LINGO2: variants seen among roughly 807,000 people sequenced by gnomAD.
The protein encoded by LINGO2 is leucine-rich repeat and immunoglobulin-like domain-containing nogo receptor-interacting protein 2.
A neutral mutation model predicts 30.6 loss-of-function variants in LINGO2; 14 were observed. The observed-to-expected ratio is 0.46, with a 90% CI of 0.30 to 0.72. LINGO2 has a LOEUF of 0.72. LINGO2 is among the 30% of genes least tolerant of loss of function. The pLI is 0.07. For synonymous variants in LINGO2, 317 were observed against 288.5 expected, an observed-to-expected ratio of 1.10 and a Z score of -1.00; for missense variants, 729 against 751.7, an observed-to-expected ratio of 0.97 and a Z score of 0.35.
intron 4 of LINGO2, among the ~76,000 whole-genome samples, chr9:28,054,786 ACTTAATTTTTAATTTTCAATATTTC>A (rs1488074923): frequency 6.6e-6 from 1 of 151,114 alleles, no homozygotes; most frequent in Non-Finnish European, 1.5e-5. Flanking sequence ...CCAGGCTATA[ACTTAATTTTTAATTTTCAATATTTC>A]CTTAAGTTTA....
At chr9:27,987,139 T>C (rs1587620950) in intron 5 of LINGO2, among the ~76,000 whole-genome samples, 2 of 152,014 alleles carry the variant, frequency 1.3e-5, no homozygotes, top group East Asian at 3.9e-4. Flanking sequence ...GGGGTACTTA[T>C]GAGGATGAAA....
At chr9:29,191,792 G>A in the LINGO2 span, among the ~76,000 whole-genome samples, 3 of 151,884 alleles carry the variant, frequency 2.0e-5, no homozygotes, top group African/African-American at 7.3e-5. Context: ...TAGGTCCCAG[G>A]GATATAAAGA....
intron 1 of LINGO2, among the ~76,000 whole-genome samples, chr9:28,560,189 T>C (rs879533869): frequency 1.2e-4 from 18 of 152,106 alleles, no homozygotes; most frequent in Non-Finnish European, 2.4e-4. Flanking sequence ...TGTATCTGTA[T>C]AGCTGGCCCA....
At chr9:28,987,098 T>C in the LINGO2 span, among the ~76,000 whole-genome samples, 2 of 134,938 alleles carry the variant, frequency 1.5e-5, no homozygotes, top group Non-Finnish European at 3.2e-5. Context: ...TTTGGTGGAG[T>C]CTTTAGGGTT....
At chr9:28,643,383 T>G (rs1324653500) in intron 1 of LINGO2, among the ~76,000 whole-genome samples, 1 of 151,668 alleles carries the variant, frequency 6.6e-6, no homozygotes, top group African/African-American at 2.4e-5. Context: ...CAGAAACAAA[T>G]TTACACGCTC....
chr9:28,578,164 TGAA>T (rs1563838335), intron 1 of LINGO2, among the ~76,000 whole-genome samples: 1 of 152,134 alleles, frequency 6.6e-6, no homozygotes, highest in Non-Finnish European at 1.5e-5. Context: ...TTATACATGA[TGAA>T]GAAGGGTCTT....
At chr9:28,731,482 G>A in the LINGO2 span, among the ~76,000 whole-genome samples, 22 of 152,176 alleles carry the variant, frequency 1.4e-4, no homozygotes, top group African/African-American at 5.3e-4. Flanking sequence ...TAATACTTTC[G>A]AAATAATAAC....
At chr9:28,446,535 A>G (rs1824430833) in intron 2 of LINGO2, among the ~76,000 whole-genome samples, 1 of 152,222 alleles carries the variant, frequency 6.6e-6, no homozygotes, top group Non-Finnish European at 1.5e-5. Flanking sequence ...GCTCTTCACC[A>G]CATTCAATCA....
At chr9:29,170,954 G>T in the LINGO2 span, among the ~76,000 whole-genome samples, 3 of 152,034 alleles carry the variant, frequency 2.0e-5, no homozygotes, top group Admixed American at 6.6e-5. Flanking sequence ...AATTGCTTTA[G>T]AAGTGTAATT....
chr9:29,029,003 G>A, the LINGO2 span, among the ~76,000 whole-genome samples: 2 of 152,210 alleles, frequency 1.3e-5, no homozygotes, highest in African/African-American at 2.4e-5. Context: ...GATGGTCATA[G>A]CATGGCCTGG....
the LINGO2 span, among the ~76,000 whole-genome samples, chr9:28,760,945 T>TACACACACACACATAC: frequency 7.6e-4 from 103 of 136,218 alleles, no homozygotes; most frequent in African/African-American, 2.7e-3. Context: ...TATATATATA[T>TACACACACACACATAC]ACACACACAC....
chr9:28,465,450 A>G (rs1411656435), intron 2 of LINGO2, among the ~76,000 whole-genome samples: 1 of 152,076 alleles, frequency 6.6e-6, no homozygotes, highest in Non-Finnish European at 1.5e-5. Flanking sequence ...TGGGGTTCTT[A>G]TGAGCACAAG....
intron 4 of LINGO2, among the ~76,000 whole-genome samples, chr9:28,112,016 G>C (rs1826811971): frequency 7.8e-6 from 1 of 128,352 alleles, no homozygotes; most frequent in South Asian, 2.9e-4. Flanking sequence ...CCACTAATGT[G>C]TCATCTAGCA....
chr9:29,051,406 G>A, the LINGO2 span, among the ~76,000 whole-genome samples: 22 of 152,122 alleles, frequency 1.4e-4, no homozygotes, highest in African/African-American at 5.3e-4. Context: ...TTTTCACTGA[G>A]TAATGTGCAT....
chr9:27,950,655 A>G, exon 6 of LINGO2: 2 of 1,510,444 alleles, frequency 1.3e-6, no homozygotes, highest in Non-Finnish European at 1.8e-6. Context: ...CCAGCATGAT[A>G]TGGCCGTGTG....
chr9:29,019,347 C>A, the LINGO2 span, among the ~76,000 whole-genome samples: 1 of 152,142 alleles, frequency 6.6e-6, no homozygotes, highest in African/African-American at 2.4e-5. Flanking sequence ...TATGTTATAT[C>A]AGCAAACACT....
intron 5 of LINGO2, among the ~76,000 whole-genome samples, chr9:28,006,611 T>C (rs1009988375): frequency 6.6e-6 from 1 of 152,168 alleles, no homozygotes; most frequent in Middle Eastern, 3.2e-3. Flanking sequence ...TCAATGATGA[T>C]GCATATTAAT....
intron 3 of LINGO2, among the ~76,000 whole-genome samples, chr9:28,364,144 G>A (rs1426578031): frequency 3.3e-5 from 5 of 152,142 alleles, no homozygotes; most frequent in Admixed American, 1.3e-4. Context: ...ATGATATAAA[G>A]TGAGTTATAG....
chr9:29,135,196 C>T, the LINGO2 span, among the ~76,000 whole-genome samples: 1 of 152,006 alleles, frequency 6.6e-6, no homozygotes, highest in Non-Finnish European at 1.5e-5. Context: ...CCTTTCTGCA[C>T]AAGAAGAGGT....
Sources: allele counts gnomAD v4.1 joint callset (sites outside exome capture counted in the v4.1 genomes callset), GRCh38; gene constraint gnomAD v4.1.1; transcripts MANE v1.5; gene names NCBI Gene and HGNC (gene_info 2026-07-23, HGNC 2026-07-21).